The following CACNA2D3 variants were observed in gnomAD, a reference collection of about 807,000 sequenced individuals.
The protein encoded by CACNA2D3 is calcium voltage-gated channel auxiliary subunit alpha2delta 3.
In CACNA2D3, 60 loss-of-function variants were observed where a neutral mutation model predicts 160.6. That is an observed-to-expected ratio of 0.37 (90% CI 0.30 to 0.46). CACNA2D3 has a LOEUF of 0.46. Among genes scored for constraint, CACNA2D3 ranks in the 20% least tolerant of loss-of-function variants. The pLI is 1.00. For synonymous variants in CACNA2D3, 558 were observed against 492.9 expected (o/e 1.13, Z -1.75); for missense variants, 1,205 against 1,365.0 (o/e 0.88, Z 1.85).
chr3:54,368,194 A>G (rs1698858744), intron 3 of CACNA2D3, among the ~76,000 whole-genome samples: 1 of 152,176 alleles, frequency 6.6e-6, no homozygotes, highest in South Asian at 2.1e-4. Context: ...TGTAACATTC[A>G]TCGTACCAAG....
chr3:54,644,402 C>T (rs570566959), intron 11 of CACNA2D3, among the ~76,000 whole-genome samples: 10 of 152,232 alleles, frequency 6.6e-5, no homozygotes, highest in East Asian at 3.9e-4. Flanking sequence ...GAGAGTTCCA[C>T]GACATTTTTA....
chr3:55,010,504 G>C (rs181410158), intron 34 of CACNA2D3, among the ~76,000 whole-genome samples: 3 of 152,226 alleles, frequency 2.0e-5, no homozygotes, highest in Admixed American at 1.3e-4. Context: ...CTTAATGAAC[G>C]CTGGCTCCAG....
Position 54,136,437 on chromosome 3 carries a change from C to T in CACNA2D3, c.204+12843C>T, listed in dbSNP as rs1019984485. ...TAACAGATTCCCAAGCATACATTTG[C>T]CTTTGTCTAAATGTTGGACATCCTT... On this transcript the variant is annotated intron_variant, in intron 2 of 37. Transcript: ENST00000474759. 1.1e-4 allele frequency among the ~76,000 whole-genome samples: 16 copies of T among 152,338 alleles called. No homozygotes were observed. The South Asian group carries it at 2.3e-3, about 22-fold the overall frequency.
intron 4 of CACNA2D3, among the ~76,000 whole-genome samples, chr3:54,481,003 ACT>A (rs1700924254): frequency 6.6e-6 from 1 of 152,084 alleles, no homozygotes; most frequent in Non-Finnish European, 1.5e-5. Context: ...GTCCTGGGAC[ACT>A]CTCTGATTCT....
At chr3:54,464,632 G>T (rs1298778161) in intron 4 of CACNA2D3, among the ~76,000 whole-genome samples, 2 of 152,216 alleles carry the variant, frequency 1.3e-5, no homozygotes, top group African/African-American at 4.8e-5. Flanking sequence ...TCGGAAAAGG[G>T]CAGTATTAGG....
chr3:54,312,635 A>G (rs1703766989), intron 2 of CACNA2D3, among the ~76,000 whole-genome samples: 1 of 152,164 alleles, frequency 6.6e-6, no homozygotes, highest in African/African-American at 2.4e-5. Context: ...ATCTGGCAAA[A>G]TAGATGCTGC....
At chr3:54,555,306 C>T (rs1702226412) in intron 5 of CACNA2D3, among the ~76,000 whole-genome samples, 1 of 152,136 alleles carries the variant, frequency 6.6e-6, no homozygotes, top group African/African-American at 2.4e-5. Flanking sequence ...TGTGGGCTGA[C>T]CATCTCAGGC....
At chr3:54,527,024 T>C (rs1233567630) in intron 5 of CACNA2D3, among the ~76,000 whole-genome samples, 2 of 152,188 alleles carry the variant, frequency 1.3e-5, no homozygotes, top group African/African-American at 2.4e-5. Flanking sequence ...CTATTCTCTC[T>C]TTTTTTAAAC....
At chr3:55,042,846 T>G (rs112137194) in intron 35 of CACNA2D3, among the ~76,000 whole-genome samples, 17 of 152,302 alleles carry the variant, frequency 1.1e-4, no homozygotes, top group African/African-American at 3.8e-4. Context: ...TTTGTGACCC[T>G]ACAATTTGGC....
intron 3 of CACNA2D3, among the ~76,000 whole-genome samples, chr3:54,350,990 T>TTATTTTA (rs1559457851): frequency 1.7e-5 from 2 of 119,872 alleles, no homozygotes; most frequent in Admixed American, 8.3e-5. Context: ...TTGTTTGTTT[T>TTATTTTA]TTTTTTTTTT....
At chr3:55,039,902 G>A (rs897808476) in intron 35 of CACNA2D3, among the ~76,000 whole-genome samples, 5 of 152,034 alleles carry the variant, frequency 3.3e-5, no homozygotes, top group Admixed American at 6.6e-5. Flanking sequence ...TCAAAATTGC[G>A]TGATTTTTAA....
At chr3:54,125,431 A>G (rs554868021) in intron 2 of CACNA2D3, among the ~76,000 whole-genome samples, 1 of 152,284 alleles carries the variant, frequency 6.6e-6, no homozygotes, top group African/African-American at 2.4e-5. Flanking sequence ...ACAATTGTGT[A>G]ATTATTTCCA....
intron 33 of CACNA2D3, among the ~76,000 whole-genome samples, chr3:55,008,049 A>G (rs1025001716): frequency 1.3e-5 from 2 of 152,196 alleles, no homozygotes; most frequent in Admixed American, 6.5e-5. Context: ...TCCTTATGCT[A>G]TTAGGTCATC....
intron 11 of CACNA2D3, among the ~76,000 whole-genome samples, chr3:54,667,906 G>A (rs548641539): frequency 1.3e-5 from 2 of 150,606 alleles, no homozygotes; most frequent in African/African-American, 2.5e-5. Flanking sequence ...GTAATTACGT[G>A]ACTGCACTCC....
chr3:54,172,677 C>A (rs1391303519), intron 2 of CACNA2D3, among the ~76,000 whole-genome samples: 1 of 152,170 alleles, frequency 6.6e-6, no homozygotes, highest in Non-Finnish European at 1.5e-5. Context: ...AACAAAACTG[C>A]CCATTTCATA....
At chr3:55,010,187 G>A (rs1703178893) in intron 34 of CACNA2D3, among the ~76,000 whole-genome samples, 1 of 152,056 alleles carries the variant, frequency 6.6e-6, no homozygotes, top group Admixed American at 6.6e-5. Context: ...TAAACACTGA[G>A]TACACATGGA....
intron 17 of CACNA2D3, among the ~76,000 whole-genome samples, chr3:54,861,077 C>G (rs557209817): frequency 2.0e-5 from 3 of 152,210 alleles, no homozygotes; most frequent in African/African-American, 7.2e-5. Flanking sequence ...GGTGGTGAAC[C>G]TGAAATAGTC....
intron 4 of CACNA2D3, among the ~76,000 whole-genome samples, chr3:54,427,760 A>G (rs1559478589): frequency 1.3e-5 from 2 of 152,214 alleles, no homozygotes; most frequent in Non-Finnish European, 2.9e-5. Context: ...ACAGGTTAAT[A>G]ACATCCCCAA....
intron 6 of CACNA2D3, among the ~76,000 whole-genome samples, chr3:54,568,052 GC>G (rs1266207994): frequency 6.6e-6 from 1 of 152,220 alleles, no homozygotes; most frequent in Non-Finnish European, 1.5e-5. Context: ...AGACCTCATT[GC>G]CACACAGAAT....
Sources: allele counts gnomAD v4.1 joint callset (sites outside exome capture counted in the v4.1 genomes callset), GRCh38; gene constraint gnomAD v4.1.1; transcripts MANE v1.5; gene names NCBI Gene and HGNC (gene_info 2026-07-23, HGNC 2026-07-21).